The following GPC3 variants were observed in gnomAD, a reference collection of about 807,000 sequenced individuals.
GPC3 encodes glypican-3.
GPC3 carries 3 observed loss-of-function variants against 34.4 expected under a neutral mutation model. The observed-to-expected ratio is 0.09, with a 90% CI of 0.04 to 0.23. The LOEUF is 0.23. Among genes scored for constraint, GPC3 ranks in the 10% least tolerant of loss-of-function variants. The pLI, the probability that GPC3 is intolerant of heterozygous loss-of-function variation, is 1.00. For synonymous variants in GPC3, 177 were observed against 174.0 expected (o/e 1.02, Z -0.13); for missense variants, 351 against 445.6 (o/e 0.79, Z 1.91).
intron 2 of GPC3, among the ~76,000 whole-genome samples, chrX:133,887,234 T>C (rs1169523207): frequency 1.8e-5 from 2 of 112,663 alleles, no homozygotes; most frequent in East Asian, 2.8e-4. Context: ...CTTCAGTTTT[T>C]TGAGGAACCT....
At chrX:133,802,642 A>G (rs1209236107) in intron 2 of GPC3, among the ~76,000 whole-genome samples, 1 of 112,254 alleles carries the variant, frequency 8.9e-6, no homozygotes, top group African/African-American at 3.2e-5. Context: ...TTAGAAGTGA[A>G]TAACACATAT....
intron 7 of GPC3, among the ~76,000 whole-genome samples, chrX:133,590,994 C>T (rs927015034): frequency 1.8e-5 from 2 of 111,676 alleles, no homozygotes; most frequent in Non-Finnish European, 3.8e-5. Context: ...GGAAGGGGCT[C>T]GCTTTAGGAC....
At chrX:133,637,411 C>T (rs1265121946) in intron 6 of GPC3, among the ~76,000 whole-genome samples, 8 of 107,161 alleles carry the variant, frequency 7.5e-5, no homozygotes, top group Non-Finnish European at 1.5e-4. Flanking sequence ...AGTGAGACTC[C>T]ATCTCAAAAA....
rs60283835 is a variant in GPC3 at position 133,751,074 on chromosome X, A to AAAATAAATAAAT, written c.1032+2396_1032+2407dup. ...GGCGACAGAGCGAGACTCTGTCTCA[A>AAAATAAATAAAT]AAATAAATAAATAAATAAATAAATA... On this transcript the variant is annotated intron_variant, in intron 3 of 7. Transcript: ENST00000370818. Among the ~76,000 whole-genome samples, 104 of 88,591 alleles carry AAAATAAATAAAT rather than the reference A, an allele frequency of 1.2e-3. 2 individuals carry two copies. Among genetic ancestry groups the AAAATAAATAAAT allele is most frequent in the Non-Finnish European group, 1.6e-3 (71 of 44,808 alleles). 76.9% of individuals were successfully genotyped at this position (88,591 alleles called of 115,157 possible). A position where few individuals can be genotyped will look rare whatever the true frequency, so the allele number is the denominator to read the frequency against.
chrX:133,912,959 CAGG>C (rs777576908), intron 2 of GPC3, among the ~76,000 whole-genome samples: 2 of 106,691 alleles, frequency 1.9e-5, no homozygotes, highest in South Asian at 8.4e-4. Context: ...GAGTCTGAGG[CAGG>C]AGAATTGCTT....
chrX:133,844,459 G>A (rs368252976), intron 2 of GPC3, among the ~76,000 whole-genome samples: 1 of 111,340 alleles, frequency 9.0e-6, no homozygotes, highest in Non-Finnish European at 1.9e-5. Context: ...CCCTAGTGAG[G>A]TAGGTTGTAC....
chrX:133,913,680 AGCT>A (rs2076211085), intron 2 of GPC3, among the ~76,000 whole-genome samples: 1 of 111,964 alleles, frequency 8.9e-6, no homozygotes, highest in Non-Finnish European at 1.9e-5. Context: ...GGCTTTCATA[AGCT>A]CAACAAAGGG....
At chrX:133,884,249 G>A (rs1338405653) in intron 2 of GPC3, among the ~76,000 whole-genome samples, 1 of 111,716 alleles carries the variant, frequency 9.0e-6, no homozygotes, top group Non-Finnish European at 1.9e-5. Flanking sequence ...TTTCATTTTG[G>A]TGAGTCAAGA....
chrX:133,536,184 C>T lies in GPC3; in HGVS notation c.1683G>A (p.Pro561=), dbSNP rs1302862383. Residue 561 remains proline (P), a synonymous_variant, in exon 8 of 8, where the codon CCG becomes CCA. Coordinates refer to ENST00000370818, the MANE Select transcript of GPC3 (RefSeq NM_004484.4). ...TFHNLGNVHS[P]LKLLTSMAIS... is the part of the protein sequence containing the mutation. ...TGGCCATGCTGGTGAGAAGCTTCAG[C>T]GGGGAATGAACGTTCCCGAGGTTGT... 1.2e-5 allele frequency: 14 copies of T among 1,203,239 alleles called. No homozygotes were observed. Among genetic ancestry groups the T allele is most frequent in the East Asian group, 5.9e-5 (2 of 33,694 alleles).
chrX:133,599,528 T>C (rs1359580030), intron 6 of GPC3, among the ~76,000 whole-genome samples: 1 of 111,530 alleles, frequency 9.0e-6, no homozygotes, highest in Non-Finnish European at 1.9e-5. Flanking sequence ...AGTACTGTTG[T>C]GCAAGTAGTT....
chrX:133,754,292 C>T (rs1205205806), intron 2 of GPC3, 116 bp from the exon 3 acceptor site: 20 of 543,654 alleles, frequency 3.7e-5, no homozygotes, highest in Non-Finnish European at 5.1e-5. Context: ...GTCCCATTTG[C>T]GTTAAATAAT....
chrX:133,605,761 A>C (rs2070043127), intron 6 of GPC3, among the ~76,000 whole-genome samples: 2 of 111,576 alleles, frequency 1.8e-5, no homozygotes, highest in Non-Finnish European at 3.8e-5. Context: ...AAGGCAAAAA[A>C]AAGTAATACT....
intron 2 of GPC3, among the ~76,000 whole-genome samples, chrX:133,904,020 C>T (rs186930493): frequency 8.9e-6 from 1 of 112,085 alleles, no homozygotes; most frequent in Non-Finnish European, 1.9e-5. Context: ...GAGCAACAGC[C>T]GTGCCAGTAC....
At chrX:133,652,795 A>G (rs1389202093) in intron 6 of GPC3, among the ~76,000 whole-genome samples, 1 of 112,386 alleles carries the variant, frequency 8.9e-6, no homozygotes, top group East Asian at 2.8e-4. Context: ...AGACTGCACC[A>G]TATAGACAAG....
chrX:133,850,191 TTTG>T (rs1450756977), intron 2 of GPC3, among the ~76,000 whole-genome samples: 118 of 91,845 alleles, frequency 1.3e-3, no homozygotes, highest in Non-Finnish European at 1.8e-3. Context: ...TTTTTTGGGT[TTTG>T]TTTTTTTTTT....
chrX:133,794,521 G>T (rs1359027672), intron 2 of GPC3, among the ~76,000 whole-genome samples: 1 of 111,293 alleles, frequency 9.0e-6, no homozygotes, highest in South Asian at 3.8e-4. Context: ...GGCTTTGGGT[G>T]GGGGGGCACT....
chrX:133,870,914 C>T (rs2075991534), intron 2 of GPC3, among the ~76,000 whole-genome samples: 1 of 112,127 alleles, frequency 8.9e-6, no homozygotes, highest in South Asian at 3.7e-4. Context: ...TCTTCAATCT[C>T]TCTGCCTTCC....
At chrX:133,794,565 GC>G (rs1288395423) in intron 2 of GPC3, among the ~76,000 whole-genome samples, 48 of 111,633 alleles carry the variant, frequency 4.3e-4, no homozygotes, top group Non-Finnish European at 7.3e-4. Context: ...TTCCTTTTTT[GC>G]GGTGCTTCTT....
intron 1 of GPC3, among the ~76,000 whole-genome samples, chrX:133,966,533 C>T (rs781594493): frequency 2.7e-5 from 3 of 112,181 alleles, no homozygotes; most frequent in South Asian, 7.5e-4. Flanking sequence ...ATTACATTCT[C>T]GGCCACTGTA....
Sources: allele counts gnomAD v4.1 joint callset (sites outside exome capture counted in the v4.1 genomes callset), GRCh38; gene constraint gnomAD v4.1.1; transcripts MANE v1.5; gene names NCBI Gene and HGNC (gene_info 2026-07-23, HGNC 2026-07-21).